Variants in CDH13 observed in about 807,000 individuals in gnomAD.
CDH13 encodes cadherin-13.
In CDH13, 24 loss-of-function variants were observed where a neutral mutation model predicts 63.8. That is an observed-to-expected ratio of 0.38 (90% CI 0.27 to 0.53). The LOEUF (loss-of-function observed/expected upper bound fraction) is 0.53, where lower values mean the gene tolerates loss of function less well. CDH13 is among the 20% of genes least tolerant of loss of function. The pLI is 0.85. For missense variants in CDH13, 1,049 were observed against 903.1 expected, an observed-to-expected ratio of 1.16 and a Z score of -2.07; for synonymous variants, 503 against 355.3, an observed-to-expected ratio of 1.42 and a Z score of -4.67.
At chr16:83,491,849 A>T (rs2074021637) in intron 7 of CDH13, among the ~76,000 whole-genome samples, 1 of 152,068 alleles carries the variant, frequency 6.6e-6, no homozygotes, top group Admixed American at 6.5e-5. Flanking sequence ...GCACTTTCTG[A>T]AACTTTATAA....
chr16:83,498,428 T>G (rs2074197893), intron 7 of CDH13, among the ~76,000 whole-genome samples: 1 of 152,222 alleles, frequency 6.6e-6, no homozygotes. Context: ...TCCTGAAGGT[T>G]TCTTCCACCT....
At chr16:83,220,243 GA>G (rs1239715167) in intron 5 of CDH13, among the ~76,000 whole-genome samples, 2 of 152,230 alleles carry the variant, frequency 1.3e-5, no homozygotes, top group Admixed American at 1.3e-4. Context: ...GTTTGAGGAA[GA>G]GCCCCGATCA....
At chr16:83,408,187 C>G (rs561555257) in intron 6 of CDH13, among the ~76,000 whole-genome samples, 1 of 152,324 alleles carries the variant, frequency 6.6e-6, no homozygotes, top group East Asian at 1.9e-4. Context: ...CTGTATCACT[C>G]TGATCATCAC....
chr16:82,836,252 G>A (rs868244524), intron 1 of CDH13, among the ~76,000 whole-genome samples: 4 of 152,054 alleles, frequency 2.6e-5, no homozygotes, highest in South Asian at 2.1e-4. Flanking sequence ...GGGTTCAAGC[G>A]ATTCTCCTCC....
intron 5 of CDH13, among the ~76,000 whole-genome samples, chr16:83,336,514 A>G (rs2090601291): frequency 6.6e-6 from 1 of 152,134 alleles, no homozygotes. Context: ...TGTCTGCAAA[A>G]TAGAAACGGA....
At position 83,146,461 on chromosome 16, in the gene CDH13, G is replaced by A. The variant is rs541791305; in HGVS notation, c.483+20960G>A. 3.9e-5 allele frequency among the ~76,000 whole-genome samples: 6 copies of A among 152,154 alleles called. No homozygotes were observed. The South Asian group carries it at 6.2e-4, about 16-fold the overall frequency. On this transcript the variant is annotated intron_variant, in intron 4 of 13. Transcript: ENST00000567109. ...TGCAATTTGTTTGGTCTTCCCTTAT[G>A]GTTACAAGCTGCCTGCAGCAGCTCA...
intron 11 of CDH13, among the ~76,000 whole-genome samples, chr16:83,764,859 C>G (rs1457971323): frequency 6.6e-6 from 1 of 152,210 alleles, no homozygotes; most frequent in Non-Finnish European, 1.5e-5. Context: ...CCTCCTCACT[C>G]AAGTCCATTC....
chr16:83,517,481 G>A (rs958159356), intron 7 of CDH13, among the ~76,000 whole-genome samples: 4 of 152,184 alleles, frequency 2.6e-5, no homozygotes, highest in Admixed American at 6.5e-5. Context: ...GTGGAGCACT[G>A]GCCTCCTTTG....
chr16:83,691,301 C>T (rs1904855917), intron 10 of CDH13, among the ~76,000 whole-genome samples: 1 of 152,104 alleles, frequency 6.6e-6, no homozygotes, highest in Non-Finnish European at 1.5e-5. Flanking sequence ...AAAGGGAGCA[C>T]ATGAGCTGGG....
intron 3 of CDH13, among the ~76,000 whole-genome samples, chr16:83,091,374 A>C (rs2033899926): frequency 6.6e-6 from 1 of 152,182 alleles, no homozygotes; most frequent in South Asian, 2.1e-4. Context: ...TTTCCCATTC[A>C]ATGTAGTTTG....
chr16:83,217,154 G>A (rs746633571), intron 4 of CDH13, among the ~76,000 whole-genome samples, 191 bp from the exon 5 acceptor site: 8 of 152,170 alleles, frequency 5.3e-5, no homozygotes, highest in Non-Finnish European at 1.2e-4. Flanking sequence ...CTGCAAAGAC[G>A]TGGATATTAG....
intron 1 of CDH13, among the ~76,000 whole-genome samples, chr16:82,696,206 T>C (rs1265416042): frequency 6.6e-6 from 1 of 152,254 alleles, no homozygotes; most frequent in Non-Finnish European, 1.5e-5. Context: ...CAGATTTCTT[T>C]TTGCATAATT....
At chr16:82,627,752 C>T (rs1267575155) in intron 1 of CDH13, among the ~76,000 whole-genome samples, 4 of 152,196 alleles carry the variant, frequency 2.6e-5, no homozygotes, top group African/African-American at 9.6e-5. Context: ...GCCGCACCCG[C>T]ATCGGGGTCC....
chr16:83,617,343 T>C (rs1191704254), intron 8 of CDH13, among the ~76,000 whole-genome samples: 1 of 152,168 alleles, frequency 6.6e-6, no homozygotes, highest in Non-Finnish European at 1.5e-5. Context: ...ATGCTGCGTA[T>C]AAGTAATACT....
intron 1 of CDH13, among the ~76,000 whole-genome samples, chr16:82,676,400 A>G (rs1235079178): frequency 3.4e-5 from 5 of 148,636 alleles, no homozygotes; most frequent in Non-Finnish European, 5.9e-5. Flanking sequence ...AATTCTGTTG[A>G]TTTTGTCTGC....
rs184253193 is a variant in CDH13, at chr16:83,583,085, A to G, written c.961-19369A>G. Among the ~76,000 whole-genome samples, 36 of 152,250 alleles carry G rather than the reference A, an allele frequency of 2.4e-4. No homozygotes were observed. The East Asian group carries it at 5.4e-3, about 23-fold the overall frequency. On this transcript the variant is annotated intron_variant, in intron 7 of 13. Transcript: ENST00000567109. ...GAGGATCCCATCTGCTTCTGCCAGC[A>G]TCTAGAGGCCCCAGTTCCTTAGTTT...
intron 2 of CDH13, among the ~76,000 whole-genome samples, chr16:82,988,365 G>A (rs954137945): frequency 2.0e-5 from 3 of 152,116 alleles, no homozygotes; most frequent in Non-Finnish European, 2.9e-5. Context: ...GGGCAGATAA[G>A]TATGGTGAAC....
intron 1 of CDH13, among the ~76,000 whole-genome samples, chr16:82,696,633 T>A (rs916533753): frequency 6.6e-6 from 1 of 152,252 alleles, no homozygotes; most frequent in Non-Finnish European, 1.5e-5. Context: ...CCTACATGAC[T>A]CTTATCATTT....
In CDH13 at chr16:83,307,957, A is replaced by G. The variant is rs574432948; in HGVS notation, c.637-36905A>G. On this transcript the variant is annotated intron_variant, in intron 5 of 13. Coordinates refer to ENST00000567109, the MANE Select transcript of CDH13 (RefSeq NM_001257.5). ...TCAAAATATGTATTTTTTATGATTG[A>G]TGAGGACATTGCAGCATGCCACCTT... Among the ~76,000 whole-genome samples the G allele has an allele frequency of 8.6e-4, 131 of 152,276 alleles. 1 individual carries two copies. The highest frequency in any genetic ancestry group is 3.1e-3 in the African/African-American group (129 of 41,556).
Sources: gnomAD v4.1 joint callset for allele counts (sites outside exome capture counted in the v4.1 genomes callset) on GRCh38, gnomAD v4.1.1 for gene constraint, MANE v1.5 for transcripts, NCBI Gene and HGNC (gene_info 2026-07-23, HGNC 2026-07-21) for gene names.